PCDH9: variants seen among roughly 807,000 people sequenced by gnomAD.
PCDH9 encodes the protein protocadherin-9.
A neutral mutation model predicts 70.6 loss-of-function variants in PCDH9; 24 were observed. The observed-to-expected ratio is 0.34, with a 90% CI of 0.25 to 0.48. The LOEUF is 0.48. Ranked by LOEUF, PCDH9 falls within the 20% of genes least tolerant of loss-of-function variation. The probability of loss-of-function intolerance (pLI) is 0.99; values close to 1 mark genes in which losing one functional copy is unlikely to be tolerated. For synonymous variants in PCDH9, 562 were observed against 558.5 expected, an observed-to-expected ratio of 1.01 and a Z score of -0.09; for missense variants, 1,281 against 1,503.6, an observed-to-expected ratio of 0.85 and a Z score of 2.45.
intron 2 of PCDH9, among the ~76,000 whole-genome samples, chr13:67,171,533 T>C (rs1476974134): frequency 6.6e-6 from 1 of 152,244 alleles, no homozygotes; most frequent in Non-Finnish European, 1.5e-5. Context: ...ATGATTTCAT[T>C]AAAACTCTTG....
At chr13:66,389,850 A>T (rs1368185733) in intron 4 of PCDH9, among the ~76,000 whole-genome samples, 1 of 152,184 alleles carries the variant, frequency 6.6e-6, no homozygotes, top group Non-Finnish European at 1.5e-5. Context: ...TGCCTCAACT[A>T]AAAAAAGTAT....
At chr13:66,985,299 A>T (rs544574751) in intron 2 of PCDH9, among the ~76,000 whole-genome samples, 1 of 152,224 alleles carries the variant, frequency 6.6e-6, no homozygotes, top group South Asian at 2.1e-4. Context: ...ATAGGAAAGT[A>T]CCTTTGGGCA....
chr13:67,111,679 G>C (rs1301488771), intron 2 of PCDH9, among the ~76,000 whole-genome samples: 1 of 152,196 alleles, frequency 6.6e-6, no homozygotes, highest in East Asian at 1.9e-4. Context: ...ATTTAAGTGG[G>C]AGTGGAATAG....
chr13:67,026,601 T>C (rs2084787223), intron 2 of PCDH9, among the ~76,000 whole-genome samples: 1 of 151,974 alleles, frequency 6.6e-6, no homozygotes, highest in Non-Finnish European at 1.5e-5. Flanking sequence ...GGGTATTCAA[T>C]TAGGAAAAGA....
rs1284809524 is a variant in PCDH9 at position 67,228,449 on chromosome 13, A to G, written c.-9T>C. ...AAATCCCTCAGGTCCATGATAATGTATTTATTTTCTTTTCCTGGATTTTAG... is the reference window on the plus strand; with the variant it reads ...AAATCCCTCAGGTCCATGATAATGTGTTTATTTTCTTTTCCTGGATTTTAG... On this transcript the variant is annotated 5_prime_UTR_variant, in exon 2 of 5. Coordinates refer to ENST00000377865, the MANE Select transcript of PCDH9 (RefSeq NM_203487.3). 1.3e-6 allele frequency: 2 copies of G among 1,537,880 alleles called. No individual in the cohort carries two copies.
intron 4 of PCDH9, among the ~76,000 whole-genome samples, chr13:66,476,152 A>AC (rs1380660754): frequency 4.9e-4 from 74 of 150,912 alleles, no homozygotes; most frequent in Admixed American, 4.9e-3. Flanking sequence ...CACTTATAAC[A>AC]CCCCCCTATC....
chr13:66,723,209 T>C (rs1406175367), intron 3 of PCDH9, among the ~76,000 whole-genome samples: 4 of 152,128 alleles, frequency 2.6e-5, no homozygotes, highest in Non-Finnish European at 5.9e-5. Flanking sequence ...TATTATATGG[T>C]GTTTTCTTCA....
At chr13:66,747,165 C>G (rs566466402) in intron 3 of PCDH9, among the ~76,000 whole-genome samples, 2 of 152,244 alleles carry the variant, frequency 1.3e-5, no homozygotes, top group South Asian at 4.1e-4. Context: ...GTCTGGCCAA[C>G]ATAGTGAAAC....
chr13:67,196,518 A>G (rs549834417), intron 2 of PCDH9, among the ~76,000 whole-genome samples: 90 of 152,138 alleles, frequency 5.9e-4, no homozygotes, highest in Non-Finnish European at 1.0e-3. Context: ...AATGTCTTTG[A>G]TCATGAGTTA....
At chr13:66,568,353 G>A (rs977804587) in intron 4 of PCDH9, among the ~76,000 whole-genome samples, 2 of 151,892 alleles carry the variant, frequency 1.3e-5, no homozygotes, top group African/African-American at 4.8e-5. Flanking sequence ...TCATGTGGTA[G>A]TTTTTTACAG....
At chr13:66,399,712 G>T (rs1262277278) in intron 4 of PCDH9, among the ~76,000 whole-genome samples, 1 of 149,760 alleles carries the variant, frequency 6.7e-6, no homozygotes, top group African/African-American at 2.5e-5. Flanking sequence ...AAAAAAAGAA[G>T]CAAAAAATAA....
At chr13:67,113,664 C>T (rs1305747732) in intron 2 of PCDH9, among the ~76,000 whole-genome samples, 1 of 152,106 alleles carries the variant, frequency 6.6e-6, no homozygotes, top group African/African-American at 2.4e-5. Context: ...TCTCCTGCCT[C>T]AGCCTCCCGA....
intron 2 of PCDH9, chr13:67,202,150 T>G (rs749704090): frequency 1.5e-4 from 23 of 151,946 alleles, no homozygotes; most frequent in Non-Finnish European, 2.9e-4. Flanking sequence ...TACCAACCTA[T>G]CTTGGTGTGG....
chr13:66,711,418 A>G (rs760024778), intron 3 of PCDH9, among the ~76,000 whole-genome samples: 7 of 151,864 alleles, frequency 4.6e-5, no homozygotes, highest in Non-Finnish European at 8.8e-5. Flanking sequence ...ATTACCTGAC[A>G]TACAACAACC....
At chr13:66,791,826 A>G (rs1291631285) in intron 3 of PCDH9, among the ~76,000 whole-genome samples, 4 of 152,016 alleles carry the variant, frequency 2.6e-5, no homozygotes, top group Non-Finnish European at 4.4e-5. Context: ...TTTTTCTATC[A>G]TGTGGACTTT....
At chr13:66,671,305 G>T (rs1266860225) in intron 3 of PCDH9, among the ~76,000 whole-genome samples, 1 of 152,104 alleles carries the variant, frequency 6.6e-6, no homozygotes. Flanking sequence ...ACAGTAATTT[G>T]GTAGAGTGGG....
At chr13:66,956,977 A>G (rs1310172038) in intron 2 of PCDH9, among the ~76,000 whole-genome samples, 2 of 152,230 alleles carry the variant, frequency 1.3e-5, no homozygotes, top group South Asian at 2.1e-4. Flanking sequence ...TGAATTTTCT[A>G]TATTTTCACA....
In PCDH9 at chr13:66,675,020, G is replaced by A. The variant is rs145080440; in HGVS notation, c.3139-43609C>T. Among the ~76,000 whole-genome samples the A allele has an allele frequency of 4.6e-4, 70 of 152,046 alleles. 1 individual carries two copies. The highest frequency in any genetic ancestry group is 1.5e-3 in the African/African-American group (63 of 41,514). On this transcript the variant is annotated intron_variant, in intron 3 of 4. Coordinates refer to ENST00000377865, the MANE Select transcript of PCDH9 (RefSeq NM_203487.3). ...TCATGATTTGTGTTTTTATTTACGA[G>A]TGCAATCTTATGTTTTATGCAGTTT... is the stretch of plus-strand genomic sequence containing the variant.
intron 3 of PCDH9, among the ~76,000 whole-genome samples, chr13:66,704,332 TGACA>T (rs1465477937): frequency 6.6e-6 from 1 of 152,216 alleles, no homozygotes; most frequent in African/African-American, 2.4e-5. Context: ...GTGATATATG[TGACA>T]GACAGTTTAG....
Sources: gnomAD v4.1 joint callset for allele counts (sites outside exome capture counted in the v4.1 genomes callset) on GRCh38, gnomAD v4.1.1 for gene constraint, MANE v1.5 for transcripts, NCBI Gene and HGNC (gene_info 2026-07-23, HGNC 2026-07-21) for gene names.